GBP7: variants seen among roughly 807,000 people sequenced by gnomAD.
GBP7 encodes guanylate binding protein 7.
Under a neutral mutation model 61.3 loss-of-function variants are expected in GBP7, and 43 were observed. The ratio of observed to expected loss-of-function variants is 0.70; its 90% CI spans 0.55 to 0.91. The LOEUF (loss-of-function observed/expected upper bound fraction) is 0.91, where lower values mean the gene tolerates loss of function less well. Among genes scored for constraint, GBP7 ranks in the 40% least tolerant of loss-of-function variants. GBP7 has a pLI of 0.00. For synonymous variants in GBP7, 267 were observed against 271.0 expected (o/e 0.99, Z 0.14); for missense variants, 717 against 740.5 (o/e 0.97, Z 0.37).
intron 3 of GBP7, among the ~76,000 whole-genome samples, chr1:89,158,856 A>C (rs1169461464): frequency 6.6e-6 from 1 of 152,200 alleles, no homozygotes; most frequent in Non-Finnish European, 1.5e-5. Context: ...ATTGGAAAAA[A>C]AACTACTTTA....
chr1:89,173,410 C>T (rs532854459), intron 1 of GBP7, among the ~76,000 whole-genome samples: 1 of 152,314 alleles, frequency 6.6e-6, no homozygotes, highest in Non-Finnish European at 1.5e-5. Context: ...TTTTGACTTT[C>T]CTTTTTAAAC....
intron 2 of GBP7, among the ~76,000 whole-genome samples, chr1:89,165,359 G>A (rs1647395240): frequency 6.6e-6 from 1 of 152,100 alleles, no homozygotes; most frequent in Non-Finnish European, 1.5e-5. Flanking sequence ...AATTAGCCAG[G>A]CATGGTCGTG....
At chr1:89,152,180 TA>T in intron 5 of GBP7, 87 bp downstream of exon 5, 1 of 1,141,102 alleles carries the variant, frequency 8.8e-7, no homozygotes, top group Non-Finnish European at 1.3e-6. Flanking sequence ...CAGTCCAATA[TA>T]AAAATTTGTG....
chr1:89,170,404 A>G (rs1647566268), intron 2 of GBP7, among the ~76,000 whole-genome samples: 1 of 152,168 alleles, frequency 6.6e-6, no homozygotes, highest in South Asian at 2.1e-4. Context: ...AAAATGTGGA[A>G]TTGAAAAAAT....
intron 1 of GBP7, among the ~76,000 whole-genome samples, chr1:89,172,215 G>T (rs1251957086): frequency 6.6e-6 from 1 of 152,074 alleles, no homozygotes; most frequent in Non-Finnish European, 1.5e-5. Context: ...CCCTAATGTC[G>T]ATATTTTACT....
rs150661474 is a variant in GBP7 at position 89,141,933 on chromosome 1, G to A, written c.1366-285C>T. Reference sequence around the variant, plus strand: ...GTGCAGACAACCAGATTTCTATGCAGTTCTACAAACACACATCCTCCATAG... The same window carrying A: ...GTGCAGACAACCAGATTTCTATGCAATTCTACAAACACACATCCTCCATAG... On this transcript the variant is annotated intron_variant, in intron 8 of 10. Transcript: ENST00000294671. Among the ~76,000 whole-genome samples the A allele has an allele frequency of 3.0e-3, 461 of 152,208 alleles. 3 individuals carry two copies. Among genetic ancestry groups the A allele is most frequent in the African/African-American group, 0.01 (421 of 41,524 alleles).
intron 9 of GBP7, 36 bp from the exon 10 acceptor site, chr1:89,133,487 A>G: frequency 6.3e-7 from 1 of 1,578,038 alleles, no homozygotes; most frequent in Non-Finnish European, 8.7e-7. Context: ...GAAGAAAATA[A>G]CAGTCAGGTG....
chr1:89,156,701 A>G (rs536952889), intron 3 of GBP7, among the ~76,000 whole-genome samples: 2 of 152,352 alleles, frequency 1.3e-5, no homozygotes, highest in South Asian at 2.1e-4. Flanking sequence ...ACCCAGATTC[A>G]TAAAGCAAGT....
At chr1:89,152,495 C>G in intron 4 of GBP7, 31 bp from the exon 5 acceptor site, 1 of 1,596,446 alleles carries the variant, frequency 6.3e-7, no homozygotes, top group Non-Finnish European at 8.6e-7. Flanking sequence ...GGATAGCACC[C>G]TACACCATCA....
chr1:89,164,794 G>T lies in GBP7; in HGVS notation c.255C>A (p.His85Gln). The change falls in exon 3 of 11, where the codon CAC becomes CAA. Residue 85 changes from histidine (H) to glutamine (Q), a missense_variant. His to Gln is a conservative substitution (Grantham distance 24, BLOSUM62 0). This residue lies in a region of GBP7 where 387 missense variants were observed against 385.2 expected (regional missense o/e 1.00). Transcript: ENST00000294671. ...TKGIWMWCVP[H>Q]PSKPNHTLIL... ...TCAGGGTGTGGTTTGGCTTGGAGGG[G>T]TGGGGCACACACCACATCCAGATGC... 2 of 1,613,872 alleles carry T rather than the reference G, an allele frequency of 1.2e-6. No individual in the cohort carries two copies. Among genetic ancestry groups the T allele is most frequent in the Non-Finnish European group, 8.5e-7 (1 of 1,179,812 alleles).
At chr1:89,167,574 G>T (rs1472128514) in intron 2 of GBP7, among the ~76,000 whole-genome samples, 1 of 152,168 alleles carries the variant, frequency 6.6e-6, no homozygotes, top group Admixed American at 6.5e-5. Flanking sequence ...CCAAACATAG[G>T]CATGGGTTGA....
At chr1:89,156,462 T>C (rs1396896035) in intron 3 of GBP7, among the ~76,000 whole-genome samples, 3 of 152,160 alleles carry the variant, frequency 2.0e-5, no homozygotes, top group Non-Finnish European at 2.9e-5. Context: ...GAGACCCATC[T>C]CATGAGCAGA....
At chr1:89,133,927 T>TC (rs983868793) in intron 9 of GBP7, among the ~76,000 whole-genome samples, 10 of 152,058 alleles carry the variant, frequency 6.6e-5, no homozygotes, top group African/African-American at 2.4e-4. Flanking sequence ...AACCAGGAAC[T>TC]CCCATCCCCC....
intron 3 of GBP7, among the ~76,000 whole-genome samples, chr1:89,160,415 G>C (rs1419261185): frequency 4.6e-5 from 7 of 152,056 alleles, no homozygotes; most frequent in Non-Finnish European, 7.4e-5. Context: ...TTTCACTTAG[G>C]GAGGAAGCAA....
chr1:89,158,155 C>G (rs1392102330), intron 3 of GBP7, among the ~76,000 whole-genome samples: 1 of 152,170 alleles, frequency 6.6e-6, no homozygotes, highest in Non-Finnish European at 1.5e-5. Context: ...TGGACAAATT[C>G]AACAGCCCTT....
rs1682232909 is a variant in GBP7 at position 89,152,764 on chromosome 1, C to G, written c.332G>C (p.Ser111Thr). Residue 111 changes from serine to threonine, a missense_variant, in exon 4 of 11, where the codon AGT becomes ACT. Around this residue, in one of 3 missense-constraint regions of GBP7, gnomAD observed 387 missense variants for 385.2 expected, o/e 1.00. Coordinates refer to ENST00000294671, the MANE Select transcript of GBP7 (RefSeq NM_207398.3). ...AGCCAGGGCAAAGATCCACGAGTCA[C>G]TCTTAGGGTCACTCTAGTGTTAAAG... ...LGDMEKSDPK[S>T]DSWIFALAVL... is the part of the protein sequence containing the mutation. 1.3e-6 allele frequency: 2 copies of G among 1,588,096 alleles called. No individual in the cohort carries two copies. The highest frequency in any genetic ancestry group is 1.7e-6 in the Non-Finnish European group (2 of 1,162,652).
At chr1:89,147,524 G>T (rs751111166) in intron 8 of GBP7, 43 bp downstream of exon 8, 1 of 1,503,340 alleles carries the variant, frequency 6.7e-7, no homozygotes, top group South Asian at 1.1e-5. Context: ...AAGACCCTCT[G>T]ACTATCCTCT....
At chr1:89,173,999 T>G (rs909829791) in intron 1 of GBP7, among the ~76,000 whole-genome samples, 3 of 152,198 alleles carry the variant, frequency 2.0e-5, no homozygotes, top group Non-Finnish European at 2.9e-5. Context: ...ACATATTTTC[T>G]TTTTCACATT....
Position 89,171,945 on chromosome 1 carries a change from G to C in GBP7, c.-10C>G. 6.2e-7 allele frequency: 1 copy of C among 1,604,240 alleles called. No individual in the cohort carries two copies. The highest frequency in any genetic ancestry group is 8.5e-7 in the Non-Finnish European group (1 of 1,173,078). On this transcript the variant is annotated 5_prime_UTR_variant, in exon 2 of 11. Coordinates refer to ENST00000294671, the MANE Select transcript of GBP7 (RefSeq NM_207398.3). The stretch of plus-strand genomic sequence containing the variant: ...GGATCTCTGATGCCATGTTCAGGGC[G>C]TTCCTCTGTCTGCAAGGAAAAAATG...
Sources: allele counts gnomAD v4.1 joint callset (sites outside exome capture counted in the v4.1 genomes callset), GRCh38; gene constraint gnomAD v4.1.1; regional missense constraint gnomAD v4.1.1; transcripts MANE v1.5; gene names NCBI Gene and HGNC (gene_info 2026-07-23, HGNC 2026-07-21).